Variants in KIRREL3 observed in about 807,000 individuals in gnomAD.
KIRREL3 encodes kin of IRRE-like protein 3.
Under a neutral mutation model 89.7 loss-of-function variants are expected in KIRREL3, and 36 were observed. The ratio of observed to expected loss-of-function variants is 0.40; its 90% CI spans 0.31 to 0.53. The LOEUF (loss-of-function observed/expected upper bound fraction) is 0.53, where lower values mean the gene tolerates loss of function less well. KIRREL3 is among the 20% of genes least tolerant of loss of function. The pLI is 0.49. For synonymous variants in KIRREL3, 445 were observed against 441.4 expected (o/e 1.01, Z -0.10); for missense variants, 864 against 1,056.6 (o/e 0.82, Z 2.53).
intron 1 of KIRREL3, among the ~76,000 whole-genome samples, chr11:126,618,084 T>C (rs1024307899): frequency 6.6e-6 from 1 of 152,188 alleles, no homozygotes; most frequent in Admixed American, 6.5e-5. Flanking sequence ...ATGTGAGATA[T>C]CACGAGATCT....
chr11:126,774,700 A>T lies in KIRREL3; in HGVS notation c.56-211788T>A, dbSNP rs990635121. 2.0e-5 allele frequency among the ~76,000 whole-genome samples: 3 copies of T among 152,122 alleles called. No individual in the cohort carries two copies. The South Asian group carries it at 6.2e-4, about 32-fold the overall frequency. On this transcript the variant is annotated intron_variant, in intron 1 of 16. Transcript: ENST00000525144. ...CAAGTTCTCTCAGGTCCAGCTGAAA[A>T]AAACTCTCCTTTGGACAACTAAGCC... is the stretch of plus-strand genomic sequence containing the variant.
At position 126,997,981 on chromosome 11, in the gene KIRREL3, C is replaced by A; in HGVS notation, c.55+2474G>T. On this transcript the variant is annotated intron_variant, in intron 1 of 16. Coordinates refer to ENST00000525144, the MANE Select transcript of KIRREL3 (RefSeq NM_032531.4). This position sits in a 1 kb window ranked among gnomAD's most constrained non-coding sequence, Gnocchi z 4.3. ...CAGGAGGCAGGGGTCAAGCAGGTGG[C>A]TGTGTGAGGGTGCCGGGTGGGGGGG... 6.6e-6 allele frequency among the ~76,000 whole-genome samples: 1 copy of A among 152,066 alleles called. No homozygotes were observed. The highest frequency in any genetic ancestry group is 1.9e-4 in the East Asian group (1 of 5,180).
chr11:126,960,860 A>AT (rs1288554857), intron 1 of KIRREL3, among the ~76,000 whole-genome samples: 2 of 152,146 alleles, frequency 1.3e-5, no homozygotes, highest in African/African-American at 4.8e-5. Context: ...TATTGGAACC[A>AT]TTTTTCCAAC....
intron 1 of KIRREL3, among the ~76,000 whole-genome samples, chr11:126,631,518 G>A (rs1387232054): frequency 6.6e-6 from 1 of 152,148 alleles, no homozygotes; most frequent in Non-Finnish European, 1.5e-5. Flanking sequence ...GGACAGGTGG[G>A]CCCCTGTGTG....
rs576086763 is a variant in KIRREL3 at position 126,776,060 on chromosome 11, C to G, written c.56-213148G>C. Among the ~76,000 whole-genome samples, 2 of 152,198 alleles carry G rather than the reference C, an allele frequency of 1.3e-5. No homozygotes were observed. Among genetic ancestry groups the G allele is most frequent in the Admixed American group, 6.5e-5 (1 of 15,288 alleles). ...GAGTGGGAGCCTGGGGAAGCTCCCC[C>G]AGAGGGAAGTCAGGCCTGGCCTGGG... On this transcript the variant is annotated intron_variant, in intron 1 of 16. Coordinates refer to ENST00000525144, the MANE Select transcript of KIRREL3 (RefSeq NM_032531.4). The surrounding 1 kb of genome is among the most constrained non-coding windows in gnomAD (Gnocchi z 4.7).
rs1329129683 is a variant in KIRREL3 at position 126,476,610 on chromosome 11, C to G, written c.434-3144G>C. On this transcript the variant is annotated intron_variant, in intron 4 of 16. Coordinates refer to ENST00000525144, the MANE Select transcript of KIRREL3 (RefSeq NM_032531.4). The surrounding 1 kb of genome is among the most constrained non-coding windows in gnomAD (Gnocchi z 6.4). The stretch of plus-strand genomic sequence containing the variant: ...GTTATCATGCTGGGTATTCATGTAG[C>G]CAGGCATTATTGATTGGTCTTCGCT... Among the ~76,000 whole-genome samples, 2 of 144,750 alleles carry G rather than the reference C, an allele frequency of 1.4e-5. No individual in the cohort carries two copies. Among genetic ancestry groups the G allele is most frequent in the African/African-American group, 5.2e-5 (2 of 38,800 alleles). 95.0% of individuals were successfully genotyped at this position (144,750 alleles called of 152,430 possible).
In KIRREL3 at chr11:126,454,227, A is replaced by C. The variant is rs1169063256; in HGVS notation, c.848+2122T>G. 1.3e-5 allele frequency among the ~76,000 whole-genome samples: 2 copies of C among 151,796 alleles called. No homozygotes were observed. Among genetic ancestry groups the C allele is most frequent in the African/African-American group, 4.8e-5 (2 of 41,286 alleles). ...GTTGGTGACCCTGGGAATCAGGCCC[A>C]GCACTTCGTTTCCTGGGTGTTTGCT... On this transcript the variant is annotated intron_variant, in intron 7 of 16. Transcript: ENST00000525144. This position sits in a 1 kb window ranked among gnomAD's most constrained non-coding sequence, Gnocchi z 5.8.
At chr11:126,483,658 G>A (rs1957278756) in intron 4 of KIRREL3, among the ~76,000 whole-genome samples, 1 of 152,208 alleles carries the variant, frequency 6.6e-6, no homozygotes, top group East Asian at 1.9e-4. Context: ...CATCATGGGG[G>A]CCTTCCCCGG....
At chr11:126,514,191 A>T (rs1212992853) in intron 4 of KIRREL3, among the ~76,000 whole-genome samples, 2 of 152,042 alleles carry the variant, frequency 1.3e-5, no homozygotes, top group African/African-American at 4.8e-5. Flanking sequence ...ACCTCAGGAG[A>T]TAAGGATGTT....
intron 1 of KIRREL3, among the ~76,000 whole-genome samples, chr11:126,597,350 G>C (rs1228727581): frequency 6.6e-6 from 1 of 152,224 alleles, no homozygotes; most frequent in Admixed American, 6.5e-5. Context: ...CTGAGGAGTC[G>C]ACAGGACCAT....
rs1405146196 is a variant in KIRREL3 at position 126,705,916 on chromosome 11, C to T, written c.56-143004G>A. Among the ~76,000 whole-genome samples, 4 of 152,298 alleles carry T rather than the reference C, an allele frequency of 2.6e-5. No individual in the cohort carries two copies. In the East Asian group the frequency reaches 7.7e-4, roughly 29 times the overall value. On this transcript the variant is annotated intron_variant, in intron 1 of 16. Coordinates refer to ENST00000525144, the MANE Select transcript of KIRREL3 (RefSeq NM_032531.4). This position sits in a 1 kb window ranked among gnomAD's most constrained non-coding sequence, Gnocchi z 4.3. The stretch of plus-strand genomic sequence containing the variant: ...TTTCTGCTTGCAGTCACTTAGAATG[C>T]TCCTTTTCAGAATCTGGCCCCTGTG...
chr11:126,531,617 A>G lies in KIRREL3; in HGVS notation c.134-4930T>C, dbSNP rs1958947519. 8.8e-6 allele frequency among the ~76,000 whole-genome samples: 1 copy of G among 113,976 alleles called. No individual in the cohort carries two copies. Among genetic ancestry groups the G allele is most frequent in the Non-Finnish European group, 1.7e-5 (1 of 59,972 alleles). The allele number at this position is 113,976 out of a possible 152,430, so 74.8% of individuals were successfully genotyped here. A position where few individuals can be genotyped will look rare whatever the true frequency, so the allele number is the denominator to read the frequency against. Reference sequence around the variant, plus strand: ...CAACCCCACCTATCATTGAAGGCCCAGTTCTCTCCCCAGGCAGCTCCTGTG... The same window carrying G: ...CAACCCCACCTATCATTGAAGGCCCGGTTCTCTCCCCAGGCAGCTCCTGTG... On this transcript the variant is annotated intron_variant, in intron 2 of 16. Coordinates refer to ENST00000525144, the MANE Select transcript of KIRREL3 (RefSeq NM_032531.4). This position sits in a 1 kb window ranked among gnomAD's most constrained non-coding sequence, Gnocchi z 4.7.
Position 126,993,715 on chromosome 11 carries a change from G to C in KIRREL3, c.55+6740C>G, listed in dbSNP as rs890607955. Among the ~76,000 whole-genome samples, 2 of 152,204 alleles carry C rather than the reference G, an allele frequency of 1.3e-5. No individual in the cohort carries two copies. Among genetic ancestry groups the C allele is most frequent in the African/African-American group, 4.8e-5 (2 of 41,442 alleles). On this transcript the variant is annotated intron_variant, in intron 1 of 16. Transcript: ENST00000525144. This position sits in a 1 kb window ranked among gnomAD's most constrained non-coding sequence, Gnocchi z 6.1. The stretch of plus-strand genomic sequence containing the variant: ...TGCTGGCTGAGTGGTCAAGGGCTGA[G>C]CCTTAGTGTCATAAAATGGTATTTG...
rs947813529 is a variant in KIRREL3 at position 126,776,248 on chromosome 11, T to C, written c.56-213336A>G. ...CTCTCTTAGGCTCCATTCATGCTCT[T>C]TGAACAGGGAGGAGCTGGAGGACTT... On this transcript the variant is annotated intron_variant, in intron 1 of 16. Transcript: ENST00000525144. The surrounding 1 kb of genome is among the most constrained non-coding windows in gnomAD (Gnocchi z 4.7). Among the ~76,000 whole-genome samples the C allele has an allele frequency of 2.6e-5, 4 of 152,172 alleles. No homozygotes were observed. Among genetic ancestry groups the C allele is most frequent in the Non-Finnish European group, 4.4e-5 (3 of 68,036 alleles).
In KIRREL3 at chr11:126,689,715, G is replaced by A. The variant is rs1946808037; in HGVS notation, c.56-126803C>T. On this transcript the variant is annotated intron_variant, in intron 1 of 16. Transcript: ENST00000525144. This position sits in a 1 kb window ranked among gnomAD's most constrained non-coding sequence, Gnocchi z 5.2. ...TTCAAGTCAGTGCAACTAGCTACCT[G>A]TCTTCCTGTCACTTTTCTTTGGCCA... 6.6e-6 allele frequency among the ~76,000 whole-genome samples: 1 copy of A among 152,220 alleles called. No homozygotes were observed. The highest frequency in any genetic ancestry group is 1.5e-5 in the Non-Finnish European group (1 of 68,044).
At chr11:126,884,199 G>A (rs1468840561) in intron 1 of KIRREL3, among the ~76,000 whole-genome samples, 1 of 152,316 alleles carries the variant, frequency 6.6e-6, no homozygotes, top group African/African-American at 2.4e-5. Flanking sequence ...TCCACCCGCA[G>A]AAATTCTGTT....
At position 126,558,204 on chromosome 11, in the gene KIRREL3, C is replaced by T. The variant is rs1939849877; in HGVS notation, c.133+4631G>A. Among the ~76,000 whole-genome samples the T allele has an allele frequency of 6.6e-6, 1 of 152,182 alleles. No individual in the cohort carries two copies. On this transcript the variant is annotated intron_variant, in intron 2 of 16. Transcript: ENST00000525144. This position sits in a 1 kb window ranked among gnomAD's most constrained non-coding sequence, Gnocchi z 4.0. ...ACTTCGGTGCCTCTGCTTCTTCCCTCCTTTAAATATCCTCTTCCTCATTTC... is the reference window on the plus strand; with the variant it reads ...ACTTCGGTGCCTCTGCTTCTTCCCTTCTTTAAATATCCTCTTCCTCATTTC...
At chr11:126,445,129 T>C (rs3802819) in intron 9 of KIRREL3, 24 bp from the exon 10 acceptor site, 1,258,871 of 1,611,904 alleles carry the variant, frequency 0.78, 496,122 homozygotes, top group Non-Finnish European at 0.82. Flanking sequence ...CAGGCTCAGA[T>C]GCCAAGAGCA....
intron 1 of KIRREL3, among the ~76,000 whole-genome samples, chr11:126,602,306 G>C (rs919207546): frequency 2.0e-5 from 3 of 152,164 alleles, no homozygotes; most frequent in Non-Finnish European, 4.4e-5. Flanking sequence ...GTGGTGTGTG[G>C]GGTTATCTAC....
Sources: allele counts gnomAD v4.1 joint callset (sites outside exome capture counted in the v4.1 genomes callset), GRCh38; gene constraint gnomAD v4.1.1; non-coding constraint Gnocchi (gnomAD v3.1); transcripts MANE v1.5; gene names NCBI Gene and HGNC (gene_info 2026-07-23, HGNC 2026-07-21).